Variants in NDUFAF6 observed in about 807,000 individuals in gnomAD.
The protein encoded by NDUFAF6 is NADH dehydrogenase (ubiquinone) complex I, assembly factor 6.
A neutral mutation model predicts 40.8 loss-of-function variants in NDUFAF6; 45 were observed. The observed-to-expected ratio is 1.10, with a 90% CI of 0.87 to 1.42. The LOEUF (loss-of-function observed/expected upper bound fraction) is 1.42. Ranked by LOEUF, NDUFAF6 falls within the 40% of genes most tolerant of loss-of-function variation. NDUFAF6 has a pLI of 0.00. For synonymous variants in NDUFAF6, 185 were observed against 155.9 expected, an observed-to-expected ratio of 1.19 and a Z score of -1.39; for missense variants, 435 against 418.5, an observed-to-expected ratio of 1.04 and a Z score of -0.34.
chr8:95,092,183 ATT>A (rs10689536), intron 2 of NDUFAF6, among the ~76,000 whole-genome samples: 3 of 142,496 alleles, frequency 2.1e-5, no homozygotes, highest in Non-Finnish European at 3.0e-5. Flanking sequence ...CTTTGACACA[ATT>A]TTTTTTTTTT....
At chr8:95,019,670 A>G (rs2131694529) in intron 2 of NDUFAF6, among the ~76,000 whole-genome samples, 1 of 152,390 alleles carries the variant, frequency 6.6e-6, no homozygotes, top group East Asian at 1.9e-4. Context: ...CTGCAATTGC[A>G]TAACATAGTG....
At position 95,047,086 on chromosome 8, in the gene NDUFAF6, A is replaced by G. The variant is rs1282815760; in HGVS notation, c.673A>G (p.Ser225Gly). ...CTTGAGAGCAACACCATATCATGGG[A>G]GCAGAAGAAAGGTGTTCCTTCCCAT... Reference protein sequence around the residue: ...TCLRATPYHGSRRKVFLPMDI... With the variant: ...TCLRATPYHGGRRKVFLPMDI... Residue 225 changes from serine to glycine, a missense_variant, in exon 6 of 9, where the codon AGC becomes GGC. Ser to Gly is a moderately conservative substitution (Grantham distance 56, BLOSUM62 0). Coordinates refer to ENST00000396124, the MANE Select transcript of NDUFAF6 (RefSeq NM_152416.4). 6.2e-7 allele frequency: 1 copy of G among 1,614,198 alleles called. No individual in the cohort carries two copies. The highest frequency in any genetic ancestry group is 2.2e-5 in the East Asian group (1 of 44,878).
At chr8:94,951,525 T>A (rs1318954053) in intron 2 of NDUFAF6, 1 of 152,064 alleles carries the variant, frequency 6.6e-6, no homozygotes, top group African/African-American at 2.4e-5. Context: ...GTCTCAGGAG[T>A]CACTTGCTTT....
chr8:95,042,783 G>T (rs1297944903), intron 4 of NDUFAF6, among the ~76,000 whole-genome samples: 1 of 152,156 alleles, frequency 6.6e-6, no homozygotes, highest in African/African-American at 2.4e-5. Flanking sequence ...TACTGATAAA[G>T]GGTAGACATA....
intron 1 of NDUFAF6, among the ~76,000 whole-genome samples, chr8:94,920,891 T>C (rs1819455088): frequency 6.6e-6 from 1 of 152,234 alleles, no homozygotes; most frequent in Non-Finnish European, 1.5e-5. Flanking sequence ...AGTTTTTAGC[T>C]GCCTATTAGG....
downstream of NDUFAF6, among the ~76,000 whole-genome samples, chr8:95,107,297 C>T (rs999951546): frequency 2.0e-5 from 3 of 152,080 alleles, no homozygotes; most frequent in Admixed American, 6.6e-5. Flanking sequence ...ACTATACAGC[C>T]ATAAAAAAGG....
chr8:95,004,500 G>A (rs764216836), intron 2 of NDUFAF6, among the ~76,000 whole-genome samples: 1 of 151,922 alleles, frequency 6.6e-6, no homozygotes, highest in African/African-American at 2.4e-5. Flanking sequence ...ACAGGTGCAT[G>A]ATACCATGCC....
At chr8:94,949,214 G>C (rs1405183090) in intron 2 of NDUFAF6, 1 of 150,504 alleles carries the variant, frequency 6.6e-6, no homozygotes, top group Non-Finnish European at 1.5e-5. Context: ...CGGCGGGGAA[G>C]GACGCGGGCG....
At chr8:94,979,333 C>T (rs190958175) in intron 1 of NDUFAF6, among the ~76,000 whole-genome samples, 183 of 152,290 alleles carry the variant, frequency 1.2e-3, no homozygotes, top group African/African-American at 4.1e-3. Flanking sequence ...GGACCTGGGG[C>T]TTCTTGACTT....
At chr8:94,996,649 G>T (rs1344205508) in intron 2 of NDUFAF6, among the ~76,000 whole-genome samples, 1 of 152,120 alleles carries the variant, frequency 6.6e-6, no homozygotes, top group African/African-American at 2.4e-5. Context: ...GGGTTGAATT[G>T]TGCCCCCACC....
At chr8:95,028,987 G>T (rs563012748) in intron 1 of NDUFAF6, among the ~76,000 whole-genome samples, 1 of 152,294 alleles carries the variant, frequency 6.6e-6, no homozygotes, top group East Asian at 1.9e-4. Context: ...GTACTCTTGA[G>T]ATAGCAAGGT....
At chr8:94,985,510 TATATA>T (rs1195623664) in intron 2 of NDUFAF6, among the ~76,000 whole-genome samples, 29 of 5,400 alleles carry the variant, frequency 5.4e-3, no homozygotes, top group East Asian at 6.0e-3. Context: ...TATATATATA[TATATA>T]TTTTTTTTTT....
chr8:94,903,921 C>G (rs1818195400), intron 1 of NDUFAF6, among the ~76,000 whole-genome samples: 1 of 152,102 alleles, frequency 6.6e-6, no homozygotes, highest in Admixed American at 6.6e-5. Flanking sequence ...ACTCCTGTGC[C>G]TCTCTCTTCT....
chr8:95,042,705 AAGTT>A (rs1830280700), intron 4 of NDUFAF6, among the ~76,000 whole-genome samples: 1 of 152,238 alleles, frequency 6.6e-6, no homozygotes, highest in Admixed American at 6.5e-5. Context: ...AAGAAGAACA[AAGTT>A]AGAGGGCTCA....
Position 95,112,038 on chromosome 8 carries a change from C to T in NDUFAF6, n.345-3498C>T, listed in dbSNP as rs975490733. On this transcript the variant is annotated intron_variant and non_coding_transcript_variant, in intron 4 of 5. Coordinates refer to the NDUFAF6 transcript ENST00000523184. ...TACTGTTCTTAGAAAGAAACCCATG[C>T]TTCCAACTATGGCGGACAGAATAAT... Among the ~76,000 whole-genome samples, 3 of 152,264 alleles carry T rather than the reference C, an allele frequency of 2.0e-5. No homozygotes were observed. The South Asian group carries it at 6.2e-4, about 32-fold the overall frequency.
intron 5 of NDUFAF6, among the ~76,000 whole-genome samples, chr8:95,046,649 G>A (rs1054684819): frequency 1.9e-4 from 29 of 152,346 alleles, no homozygotes; most frequent in Non-Finnish European, 8.8e-5. Flanking sequence ...TGTTTGTTAA[G>A]CATATTCTTA....
At chr8:95,102,993 A>G (rs981305769) in exon 3 of NDUFAF6, 1 of 152,162 alleles carries the variant, frequency 6.6e-6, no homozygotes, top group African/African-American at 2.4e-5. Context: ...AGTCTCATGT[A>G]CCTTATGACG....
intron 2 of NDUFAF6, among the ~76,000 whole-genome samples, chr8:95,093,979 G>GT (rs922022343): frequency 7.3e-5 from 11 of 150,908 alleles, no homozygotes; most frequent in South Asian, 6.3e-4. Flanking sequence ...TTTTTTTGTT[G>GT]TTTTTTTTTG....
At chr8:94,958,510 CAT>C (rs949742714) in intron 1 of NDUFAF6, among the ~76,000 whole-genome samples, 20 of 138,844 alleles carry the variant, frequency 1.4e-4, no homozygotes, top group Non-Finnish European at 2.4e-4. Context: ...TATCTCCACA[CAT>C]AGTCACATTC....
Sources: gnomAD v4.1 joint callset for allele counts (sites outside exome capture counted in the v4.1 genomes callset) on GRCh38, gnomAD v4.1.1 for gene constraint, MANE v1.5 for transcripts, NCBI Gene and HGNC (gene_info 2026-07-23, HGNC 2026-07-21) for gene names.